CLDN16: variants seen among roughly 807,000 people sequenced by gnomAD.
The protein encoded by CLDN16 is claudin 16.
In CLDN16, 13 loss-of-function variants were observed where a neutral mutation model predicts 24.6. The observed-to-expected ratio is 0.53, with a 90% CI of 0.34 to 0.84. CLDN16 has a LOEUF of 0.84. CLDN16 is among the 40% of genes least tolerant of loss of function. The pLI is 0.01. For missense variants in CLDN16, 298 were observed against 292.7 expected, an observed-to-expected ratio of 1.02 and a Z score of -0.13; for synonymous variants, 116 against 106.7, an observed-to-expected ratio of 1.09 and a Z score of -0.54.
intron 1 of CLDN16, among the ~76,000 whole-genome samples, chr3:190,361,601 A>T (rs1031708769): frequency 6.6e-6 from 1 of 151,994 alleles, no homozygotes; most frequent in Non-Finnish European, 1.5e-5. Context: ...AATGCCCCCA[A>T]ATTGCTCCTG....
At chr3:190,374,828 G>T (rs1234695808) in intron 3 of CLDN16, among the ~76,000 whole-genome samples, 1 of 151,940 alleles carries the variant, frequency 6.6e-6, no homozygotes. Flanking sequence ...CATGTATTGT[G>T]TGCCGATTTT....
upstream of CLDN16, among the ~76,000 whole-genome samples, chr3:190,318,752 C>A (rs570470126): frequency 2.6e-5 from 4 of 152,294 alleles, no homozygotes; most frequent in East Asian, 5.8e-4. Context: ...GCAGGCACAA[C>A]GCATCTGGAG....
chr3:190,308,436 G>A, the CLDN16 span: 8 of 1,613,304 alleles, frequency 5.0e-6, no homozygotes, highest in South Asian at 4.4e-5. Context: ...GACCAAATTC[G>A]TACCTAAAAG....
At chr3:190,295,865 T>C in the CLDN16 span, among the ~76,000 whole-genome samples, 1 of 152,220 alleles carries the variant, frequency 6.6e-6, no homozygotes, top group African/African-American at 2.4e-5. Context: ...TCACTCTACG[T>C]GGGGCTGGAT....
At chr3:190,301,626 A>C in the CLDN16 span, among the ~76,000 whole-genome samples, 2 of 152,116 alleles carry the variant, frequency 1.3e-5, no homozygotes, top group Non-Finnish European at 2.9e-5. Flanking sequence ...CATCCTATGA[A>C]TTTCTTAGGC....
chr3:190,372,278 A>G (rs1390465237), intron 2 of CLDN16, among the ~76,000 whole-genome samples: 1 of 151,904 alleles, frequency 6.6e-6, no homozygotes, highest in Non-Finnish European at 1.5e-5. Context: ...CAGCTCCTTC[A>G]CATCCCTGAG....
At position 190,402,307 on chromosome 3, in the gene CLDN16, G is replaced by A. The variant is rs79157522; in HGVS notation, c.115-30G>A. The stretch of plus-strand genomic sequence containing the variant: ...GAACTGAACTGTGCCTGCATGAATT[G>A]TTTCACACGGTGTCTTCTCTAACAT... On this transcript the variant is annotated intron_variant, in intron 1 of 4. Coordinates refer to ENST00000264734, the MANE Select transcript of CLDN16 (RefSeq NM_006580.4). 4,107 of 1,538,198 alleles carry A rather than the reference G, an allele frequency of 2.7e-3. 82 individuals carry two copies. The African/African-American group carries it at 0.048, about 18-fold the overall frequency.
chr3:190,372,826 A>T (rs1718169914), intron 2 of CLDN16, among the ~76,000 whole-genome samples: 1 of 151,968 alleles, frequency 6.6e-6, no homozygotes, highest in African/African-American at 2.4e-5. Context: ...AGGTCTTCCC[A>T]ATACGAGGGG....
chr3:190,404,832 G>A lies in CLDN16; in HGVS notation c.288G>A (p.Leu96=), dbSNP rs1311824206. Reference sequence around the variant, plus strand: ...TAGCTGGGTTTGGATTTCTCACCCTGCTCCTTGGTCTTGACTGCGTGAAAT... The same window carrying A: ...TAGCTGGGTTTGGATTTCTCACCCTACTCCTTGGTCTTGACTGCGTGAAAT... ...DILAGFGFLT[L]LLGLDCVKFL... Residue 96 remains leucine, a synonymous_variant, in exon 3 of 5, where the codon CTG becomes CTA. Transcript: ENST00000264734. The A allele has an allele frequency of 3.7e-6, 6 of 1,614,016 alleles. No homozygotes were observed. In the African/African-American group the frequency reaches 6.7e-5, roughly 18 times the overall value.
At chr3:190,337,662 A>G (rs1423817431) in intron 1 of CLDN16, among the ~76,000 whole-genome samples, 1 of 152,208 alleles carries the variant, frequency 6.6e-6, no homozygotes, top group Admixed American at 6.5e-5. Context: ...CAAGCTGATA[A>G]AACTGGACTG....
the CLDN16 span, among the ~76,000 whole-genome samples, chr3:190,301,574 C>G: frequency 1.3e-5 from 2 of 151,736 alleles, no homozygotes; most frequent in Non-Finnish European, 2.9e-5. Context: ...TTTTTCAAAC[C>G]TGCTCTCTCT....
chr3:190,379,975 G>GTCTGTCTATCTATCTA (rs1553806906), intron 3 of CLDN16, among the ~76,000 whole-genome samples: 2 of 148,988 alleles, frequency 1.3e-5, no homozygotes, highest in South Asian at 2.2e-4. Flanking sequence ...TATCAACTCT[G>GTCTGTCTATCTATCTA]TCTATCTATC....
intron 1 of CLDN16, among the ~76,000 whole-genome samples, chr3:190,392,360 T>C (rs562646531): frequency 6.6e-6 from 1 of 152,236 alleles, no homozygotes; most frequent in East Asian, 1.9e-4. Context: ...TCTTTCTCTT[T>C]CTTCTTCATC....
Position 190,400,605 on chromosome 3 carries a change from A to G in CLDN16, c.115-1732A>G, listed in dbSNP as rs143710528. ...TAACTTTCTATTCCTGGCTTATTTC[A>G]TTTAACATTATTCAGTTCCATCCAT... is the stretch of plus-strand genomic sequence containing the variant. On this transcript the variant is annotated intron_variant, in intron 1 of 4. Transcript: ENST00000264734. Among the ~76,000 whole-genome samples the G allele has an allele frequency of 1.3e-3, 192 of 152,340 alleles. 1 individual carries two copies. In the East Asian group the frequency reaches 0.015, roughly 12 times the overall value.
At chr3:190,311,758 A>G in the CLDN16 span, among the ~76,000 whole-genome samples, 1 of 151,582 alleles carries the variant, frequency 6.6e-6, no homozygotes, top group South Asian at 2.1e-4. Context: ...AGATATATAT[A>G]TACACACAGA....
upstream of CLDN16, among the ~76,000 whole-genome samples, chr3:190,319,107 A>G (rs1258510547): frequency 1.3e-5 from 2 of 152,158 alleles, no homozygotes; most frequent in African/African-American, 4.8e-5. Context: ...CTCCTACAGC[A>G]ACTCAATCTT....
At chr3:190,363,181 T>C (rs1717937449) in intron 1 of CLDN16, among the ~76,000 whole-genome samples, 1 of 151,868 alleles carries the variant, frequency 6.6e-6, no homozygotes, top group Non-Finnish European at 1.5e-5. Flanking sequence ...TTGCCCTGTT[T>C]TCTAGGTCAT....
At chr3:190,333,824 T>C (rs962722595) in intron 1 of CLDN16, among the ~76,000 whole-genome samples, 3 of 152,080 alleles carry the variant, frequency 2.0e-5, no homozygotes, top group Non-Finnish European at 4.4e-5. Flanking sequence ...AGGTGTATTA[T>C]TTGCAAGGCA....
intron 1 of CLDN16, among the ~76,000 whole-genome samples, chr3:190,344,087 G>A (rs1717497334): frequency 6.6e-6 from 1 of 151,684 alleles, no homozygotes; most frequent in African/African-American, 2.4e-5. Flanking sequence ...TAACTTAAAT[G>A]TGCACAATAC....
Sources: allele counts gnomAD v4.1 joint callset (sites outside exome capture counted in the v4.1 genomes callset), GRCh38; gene constraint gnomAD v4.1.1; transcripts MANE v1.5; gene names NCBI Gene and HGNC (gene_info 2026-07-23, HGNC 2026-07-21).